The following PANX2 variants were observed in gnomAD, a reference collection of about 807,000 sequenced individuals.
PANX2 encodes the protein pannexin-2.
PANX2 carries 30 observed loss-of-function variants against 38.7 expected under a neutral mutation model. The observed-to-expected ratio is 0.78, with a 90% confidence interval of 0.58 to 1.05. The LOEUF (loss-of-function observed/expected upper bound fraction) is 1.05. Among genes scored for constraint, PANX2 ranks in the 50% least tolerant of loss-of-function variants. PANX2 has a pLI of 0.00. For synonymous variants in PANX2, 539 were observed against 472.1 expected (o/e 1.14, Z -1.84); for missense variants, 880 against 979.3 (o/e 0.90, Z 1.35).
In PANX2 at chr22:50,177,680, A is replaced by C; in HGVS notation, c.968A>C (p.Asp323Ala). Residue 323 changes from aspartate to alanine, a missense_variant, in exon 2 of 3, where the codon GAC becomes GCC. Physicochemically the swap from Asp to Ala is moderately radical, Grantham distance 126. Around this residue, in one of 4 missense-constraint regions of PANX2, gnomAD observed 78 missense variants for 133.1 expected, o/e 0.59. Transcript: ENST00000395842. ...FIFRKSNFIFDKLHKVGIKTR... is the reference protein window; with the variant it reads ...FIFRKSNFIFAKLHKVGIKTR... ...TTCCGCAAGAGCAACTTCATCTTCG[A>C]CAAGCTGCACAAGGTGGGCATCAAG... The C allele has an allele frequency of 1.9e-6, 3 of 1,612,160 alleles. No homozygotes were observed. Among genetic ancestry groups the C allele is most frequent in the Non-Finnish European group, 2.5e-6 (3 of 1,179,962 alleles).
At chr22:50,175,752 G>A (rs1326316786) in intron 1 of PANX2, among the ~76,000 whole-genome samples, 9 of 152,206 alleles carry the variant, frequency 5.9e-5, no homozygotes, top group Admixed American at 2.6e-4. Context: ...GATGGCAGCC[G>A]GGAGCTCCGT....
In PANX2 at chr22:50,177,825, C is replaced by G. The variant is rs374911171; in HGVS notation, c.1113C>G (p.Ser371Arg). The change falls in exon 2 of 3, where the codon AGC (serine) becomes AGG (arginine). Residue 371 changes from serine to arginine, a missense_variant. Transcript: ENST00000395842. ...GGCTGGACTTCATCACCAACGAGAG[C>G]GACCTCATGTACGACAACGTGGTCC... ...LNRLDFITNE[S>R]DLMYDNVVRQ... is the part of the protein sequence containing the mutation. 1 of 1,599,436 alleles carries G rather than the reference C, an allele frequency of 6.3e-7. No homozygotes were observed. Among genetic ancestry groups the G allele is most frequent in the Non-Finnish European group, 8.5e-7 (1 of 1,179,110 alleles).
intron 1 of PANX2, chr22:50,175,342 A>G: frequency 2.0e-6 from 1 of 512,426 alleles, no homozygotes. Flanking sequence ...CTCCCCACCC[A>G]TGTTGGCCAC....
chr22:50,176,917 CGT>C lies in PANX2; in HGVS notation c.227-19_227-18del. On this transcript the variant is annotated intron_variant, in intron 1 of 2. Transcript: ENST00000395842. ...GCCCGTGCGCCTCCCCGCCCCAGCCCGTGTCTCCTCTTTGCCCCCAGAGGAAC... is the reference window on the plus strand; with the variant it reads ...GCCCGTGCGCCTCCCCGCCCCAGCCCGTCTCCTCTTTGCCCCCAGAGGAAC... 1 of 1,506,898 alleles carries C rather than the reference CGT, an allele frequency of 6.6e-7. No homozygotes were observed. Among genetic ancestry groups the C allele is most frequent in the Non-Finnish European group, 8.8e-7 (1 of 1,134,970 alleles). The allele number at this position is 1,506,898 out of a possible 1,614,324, so 93.3% of individuals were successfully genotyped here.
At position 50,179,625 on chromosome 22, in the gene PANX2, C is replaced by T. The variant is rs1395317710; in HGVS notation, c.*348C>T. ...TTTTTTAGTCCGTTTCGTCCTGGCC[C>T]CGGGCTGTGGCGAGACAGCCCAACT... On this transcript the variant is annotated 3_prime_UTR_variant, in exon 3 of 3. Coordinates refer to ENST00000395842, the MANE Select transcript of PANX2 (RefSeq NM_052839.4). 1 of 255,748 alleles carries T rather than the reference C, an allele frequency of 3.9e-6. No individual in the cohort carries two copies. The highest frequency in any genetic ancestry group is 7.6e-6 in the Non-Finnish European group (1 of 130,970). The allele number at this position is 255,748 out of a possible 1,614,324, so 15.8% of individuals were successfully genotyped here. A position where few individuals can be genotyped will look rare whatever the true frequency, so the allele number is the denominator to read the frequency against.
chr22:50,179,444 G>T lies in PANX2; in HGVS notation c.*167G>T, dbSNP rs575149555. ...CTGGGGCCTTCGCCCCCACGTGCTC[G>T]ACAGGGGAACCCGCCCGGACGGCAT... On this transcript the variant is annotated 3_prime_UTR_variant, in exon 3 of 3. Transcript: ENST00000395842. 2 of 656,080 alleles carry T rather than the reference G, an allele frequency of 3.0e-6. No homozygotes were observed. Among genetic ancestry groups the T allele is most frequent in the East Asian group, 2.9e-5 (1 of 34,126 alleles). 40.6% of individuals were successfully genotyped at this position (656,080 alleles called of 1,614,324 possible).
rs1478580991 is a variant in PANX2, at chr22:50,178,968, C to T, written c.1725C>T (p.Pro575=). The change falls in exon 3 of 3, where the codon CCC becomes CCT. Residue 575 remains proline (P), a synonymous_variant. Coordinates refer to ENST00000395842, the MANE Select transcript of PANX2 (RefSeq NM_052839.4). The part of the protein sequence containing the change: ...APLPEKEIPY[P]TEPARAGLPS... ...TCCCCGAGAAGGAAATCCCGTACCC[C>T]ACAGAGCCAGCCCGGGCAGGGCTTC... 1.2e-6 allele frequency: 2 copies of T among 1,600,996 alleles called. No individual in the cohort carries two copies. Among genetic ancestry groups the T allele is most frequent in the African/African-American group, 1.3e-5 (1 of 74,632 alleles).
At chr22:50,171,925 G>C (rs62239297) in intron 1 of PANX2, among the ~76,000 whole-genome samples, 19 of 152,186 alleles carry the variant, frequency 1.2e-4, no homozygotes, top group Admixed American at 2.0e-4. Context: ...AAATCTCCCA[G>C]ATGCCTTGCC....
intron 1 of PANX2, among the ~76,000 whole-genome samples, chr22:50,174,313 G>A (rs2063650802): frequency 1.3e-5 from 2 of 151,956 alleles, no homozygotes; most frequent in Admixed American, 1.3e-4. Context: ...AGATGAGCTT[G>A]GGGATGGCAG....
chr22:50,177,664 A>G lies in PANX2; in HGVS notation c.952A>G (p.Ser318Gly). The change falls in exon 2 of 3, where the codon AGC becomes GGC. Residue 318 changes from serine to glycine, a missense_variant. Ser to Gly is a moderately conservative substitution (Grantham distance 56). Transcript: ENST00000395842. ...CATCCACCTCTTCATCTTCCGCAAG[A>G]GCAACTTCATCTTCGACAAGCTGCA... ...NLIHLFIFRKSNFIFDKLHKV... is the reference protein window; with the variant it reads ...NLIHLFIFRKGNFIFDKLHKV... 1.2e-6 allele frequency: 2 copies of G among 1,612,644 alleles called. No homozygotes were observed. The highest frequency in any genetic ancestry group is 1.1e-5 in the South Asian group (1 of 91,088).
intron 1 of PANX2, among the ~76,000 whole-genome samples, chr22:50,176,289 C>T (rs890010495): frequency 2.0e-5 from 3 of 152,272 alleles, no homozygotes; most frequent in African/African-American, 7.2e-5. Context: ...GGGACTCCCT[C>T]TTTTCAATTT....
chr22:50,178,979 C>A lies in PANX2; in HGVS notation c.1736C>A (p.Ala579Asp), dbSNP rs763029444. The A allele has an allele frequency of 6.2e-7, 1 of 1,605,252 alleles. No individual in the cohort carries two copies. Among genetic ancestry groups the A allele is most frequent in the Non-Finnish European group, 8.5e-7 (1 of 1,175,334 alleles). ...EKEIPYPTEP[A>D]RAGLPSGGPF... Reference sequence around the variant, plus strand: ...GAAATCCCGTACCCCACAGAGCCAGCCCGGGCAGGGCTTCCCTCGGGGGGC... The same window carrying A: ...GAAATCCCGTACCCCACAGAGCCAGACCGGGCAGGGCTTCCCTCGGGGGGC... Residue 579 changes from alanine to aspartate, a missense_variant, in exon 3 of 3, where the codon GCC becomes GAC. Transcript: ENST00000395842.
intron 2 of PANX2, among the ~76,000 whole-genome samples, chr22:50,178,692 G>T (rs1032640068): frequency 1.3e-5 from 2 of 152,188 alleles, no homozygotes; most frequent in Non-Finnish European, 2.9e-5. Context: ...CTAGAGCTCC[G>T]CGTGCGTGGT....
rs548730527 is a variant in PANX2, at chr22:50,178,473, A to G, written c.1690+71A>G. 6 of 1,077,828 alleles carry G rather than the reference A, an allele frequency of 5.6e-6. 1 individual carries two copies. The Admixed American group carries it at 2.2e-4, about 40-fold the overall frequency. 66.8% of individuals were successfully genotyped at this position (1,077,828 alleles called of 1,614,324 possible). ...GAGGCGCCCACAGCCACAGCGGCCC[A>G]CGGGAGCCTGGCCAGGGCGCTAGGG... On this transcript the variant is annotated intron_variant, in intron 2 of 2. Coordinates refer to ENST00000395842, the MANE Select transcript of PANX2 (RefSeq NM_052839.4).
In PANX2 at chr22:50,178,071, G is replaced by A. The variant is rs1252338002; in HGVS notation, c.1359G>A (p.Glu453=). Residue 453 remains glutamate, a synonymous_variant, in exon 2 of 3, where the codon GAG becomes GAA. Transcript: ENST00000395842. ...AGCCGCTGGCCATCATGCGCGTGGA[G>A]AACAGCAAGGCGGAGAAGCCGAAGC... ...FKEPLAIMRV[E]NSKAEKPKPA... 1.3e-6 allele frequency: 2 copies of A among 1,554,468 alleles called. No individual in the cohort carries two copies. Among genetic ancestry groups the A allele is most frequent in the South Asian group, 2.4e-5 (2 of 84,972 alleles).
Position 50,177,556 on chromosome 22 carries a change from C to A in PANX2, c.844C>A (p.Pro282Thr). Residue 282 changes from proline (P) to threonine (T), a missense_variant, in exon 2 of 3, where the codon CCG (proline) becomes ACG (threonine). Pro to Thr is a conservative substitution (Grantham distance 38). Around this residue, in one of 4 missense-constraint regions of PANX2, gnomAD observed 114 missense variants for 108.8 expected, o/e 1.05. Coordinates refer to ENST00000395842, the MANE Select transcript of PANX2 (RefSeq NM_052839.4). Reference sequence around the variant, plus strand: ...CGCGGTGCGCGTGAGCTGCAAGCTCCCGTCCGTGCAACTGCAGCGCATCAT... The same window carrying A: ...CGCGGTGCGCGTGAGCTGCAAGCTCACGTCCGTGCAACTGCAGCGCATCAT... ...GPAVRVSCKL[P>T]SVQLQRIIAG... The A allele has an allele frequency of 6.2e-7, 1 of 1,612,186 alleles. No individual in the cohort carries two copies. Among genetic ancestry groups the A allele is most frequent in the Non-Finnish European group, 8.5e-7 (1 of 1,179,736 alleles).
chr22:50,172,260 C>G (rs1460971310), intron 1 of PANX2, among the ~76,000 whole-genome samples: 7 of 152,170 alleles, frequency 4.6e-5, no homozygotes, highest in Admixed American at 4.6e-4. Flanking sequence ...GCCAAAAGTC[C>G]AAAATCGAGG....
In PANX2 at chr22:50,178,959, C is replaced by T. The variant is rs1464825770; in HGVS notation, c.1716C>T (p.Ile572=). ...ATGCTCCGCTCCCCGAGAAGGAAAT[C>T]CCGTACCCCACAGAGCCAGCCCGGG... ...IKDAPLPEKE[I]PYPTEPARAG... The change falls in exon 3 of 3, where the codon ATC becomes ATT. Residue 572 remains isoleucine, a synonymous_variant. Coordinates refer to ENST00000395842, the MANE Select transcript of PANX2 (RefSeq NM_052839.4). 2.5e-6 allele frequency: 4 copies of T among 1,591,192 alleles called. No homozygotes were observed. In the South Asian group the frequency reaches 4.5e-5, roughly 18 times the overall value.
At chr22:50,174,623 C>T (rs902329230) in intron 1 of PANX2, among the ~76,000 whole-genome samples, 5 of 152,222 alleles carry the variant, frequency 3.3e-5, no homozygotes, top group African/African-American at 1.2e-4. Context: ...CTGGCGGCGG[C>T]TCTGTCTGCC....
Sources: allele counts gnomAD v4.1 joint callset (sites outside exome capture counted in the v4.1 genomes callset), GRCh38; gene constraint gnomAD v4.1.1; regional missense constraint gnomAD v4.1.1; transcripts MANE v1.5; gene names NCBI Gene and HGNC (gene_info 2026-07-23, HGNC 2026-07-21).